STON2: variants seen among roughly 807,000 people sequenced by gnomAD.
STON2 encodes stonin 2, also known as stonin-2.
In STON2, 29 loss-of-function variants were observed where a neutral mutation model predicts 65.7. That is an observed-to-expected ratio of 0.44 (90% CI 0.33 to 0.60). The LOEUF (loss-of-function observed/expected upper bound fraction) is 0.60, where lower values mean the gene tolerates loss of function less well. STON2 is among the 20% of genes least tolerant of loss of function. The pLI is 0.03. For missense variants in STON2, 1,054 were observed against 1,118.1 expected, an observed-to-expected ratio of 0.94 and a Z score of 0.82; for synonymous variants, 404 against 414.2, an observed-to-expected ratio of 0.98 and a Z score of 0.30.
At chr14:81,395,745 G>A (rs1900281351) in intron 3 of STON2, 149 bp downstream of exon 3, 1 of 759,076 alleles carries the variant, frequency 1.3e-6, no homozygotes. Flanking sequence ...AATTAAACCA[G>A]ATGAGAACTC....
intron 3 of STON2, among the ~76,000 whole-genome samples, chr14:81,372,950 T>C (rs948361489): frequency 3.3e-5 from 5 of 152,240 alleles, no homozygotes; most frequent in Non-Finnish European, 7.3e-5. Context: ...TTTAGGTCCT[T>C]TTTCTGGAGT....
rs569857735 is a variant in STON2 at position 81,261,541 on chromosome 14, A to G, written c.*6873T>C. 2 of 361,574 alleles carry G rather than the reference A, an allele frequency of 5.5e-6. No homozygotes were observed. The highest frequency in any genetic ancestry group is 4.6e-5 in the Admixed American group (1 of 21,890). The allele number at this position is 361,574 out of a possible 1,614,324, so 22.4% of individuals were successfully genotyped here. ...TTGATGTTACTAAGAGACAACGAGG[A>G]TACAGAGGGGACTGTCCCTTTTCTC... On this transcript the variant is annotated 3_prime_UTR_variant, in exon 8 of 8. Coordinates refer to ENST00000614646, the MANE Select transcript of STON2 (RefSeq NM_001394390.1).
intron 1 of STON2, among the ~76,000 whole-genome samples, chr14:81,433,504 T>G (rs570256285): frequency 2.6e-5 from 4 of 152,338 alleles, no homozygotes; most frequent in African/African-American, 9.6e-5. Flanking sequence ...CCTCCTGATC[T>G]TGTTTCCTTC....
intron 3 of STON2, among the ~76,000 whole-genome samples, chr14:81,375,590 G>A (rs1899214873): frequency 6.6e-6 from 1 of 151,834 alleles, no homozygotes; most frequent in Non-Finnish European, 1.5e-5. Flanking sequence ...TCATCATAAT[G>A]GAAGATGTTA....
intron 4 of STON2, among the ~76,000 whole-genome samples, chr14:81,370,752 A>C (rs1898945496): frequency 6.6e-6 from 1 of 152,208 alleles, no homozygotes; most frequent in Middle Eastern, 3.2e-3. Flanking sequence ...ATTAAGATAC[A>C]CTGTCAAATG....
intron 2 of STON2, 37 bp downstream of exon 2, chr14:81,398,258 C>A: frequency 6.9e-7 from 1 of 1,446,934 alleles, no homozygotes; most frequent in Non-Finnish European, 9.6e-7. Flanking sequence ...GGTTCTTTGA[C>A]AATCTCTTCA....
intron 5 of STON2, among the ~76,000 whole-genome samples, chr14:81,291,184 C>T (rs1280818448): frequency 1.3e-5 from 2 of 151,892 alleles, no homozygotes; most frequent in Admixed American, 6.6e-5. Context: ...CAAACCTTTC[C>T]GTAATTATTG....
rs1555393304 is a variant in STON2, at chr14:81,265,647, G to GTGATAATAATAATAA, written c.*2766_*2767insTTATTATTATTATCA. On this transcript the variant is annotated 3_prime_UTR_variant, in exon 8 of 8. Coordinates refer to ENST00000614646, the MANE Select transcript of STON2 (RefSeq NM_001394390.1). ...GCGACAAGAGCGAAACTTTGTCTCA[G>GTGATAATAATAATAA]TAATAATAATAATAATAATAATAAT... The GTGATAATAATAATAA allele has an allele frequency of 2.8e-6, 1 of 357,336 alleles. No homozygotes were observed. Among genetic ancestry groups the GTGATAATAATAATAA allele is most frequent in the Non-Finnish European group, 3.9e-6 (1 of 258,820 alleles). The allele number at this position is 357,336 out of a possible 1,614,324, so 22.1% of individuals were successfully genotyped here.
intron 3 of STON2, among the ~76,000 whole-genome samples, chr14:81,392,341 G>T (rs73341968): frequency 6.6e-6 from 1 of 152,056 alleles, no homozygotes; most frequent in Non-Finnish European, 1.5e-5. Flanking sequence ...ATTTGGGCGC[G>T]GTCCGGAAGT....
chr14:81,318,064 C>A (rs188174747), intron 5 of STON2, among the ~76,000 whole-genome samples: 1 of 152,250 alleles, frequency 6.6e-6, no homozygotes, highest in Admixed American at 6.5e-5. Context: ...CTCCTGGGTT[C>A]AAGCGAGTCT....
chr14:81,383,677 C>T (rs1433963757), intron 3 of STON2, among the ~76,000 whole-genome samples: 2 of 152,156 alleles, frequency 1.3e-5, no homozygotes, highest in Non-Finnish European at 2.9e-5. Flanking sequence ...TCCTCTCTTG[C>T]CTGGATGGAT....
chr14:81,400,835 T>C (rs571506992), upstream of STON2, among the ~76,000 whole-genome samples: 1 of 152,248 alleles, frequency 6.6e-6, no homozygotes, highest in Non-Finnish European at 1.5e-5. Flanking sequence ...TAACTCAACC[T>C]CTTTAAGCTT....
chr14:81,368,888 G>A (rs1425508511), intron 4 of STON2, among the ~76,000 whole-genome samples: 2 of 152,136 alleles, frequency 1.3e-5, no homozygotes, highest in South Asian at 4.1e-4. Flanking sequence ...AGTTTCTGGT[G>A]AGGATCAAGT....
At chr14:81,268,586 T>C in intron 7 of STON2, 89 bp from the exon 8 acceptor site, 5 of 1,267,376 alleles carry the variant, frequency 3.9e-6, no homozygotes, top group Non-Finnish European at 5.1e-6. Context: ...ATAGGTACTT[T>C]GAAATTTCTT....
At chr14:81,340,168 A>C (rs1280863849) in intron 4 of STON2, among the ~76,000 whole-genome samples, 2 of 152,190 alleles carry the variant, frequency 1.3e-5, no homozygotes, top group African/African-American at 4.8e-5. Context: ...TAAATAAATA[A>C]ATAAGCTGAG....
At chr14:81,324,766 A>G (rs998689640) in intron 4 of STON2, among the ~76,000 whole-genome samples, 8 of 152,252 alleles carry the variant, frequency 5.3e-5, no homozygotes, top group Non-Finnish European at 1.2e-4. Context: ...TGAAAGTTCA[A>G]GAACTTATTT....
chr14:81,403,976 T>A (rs1900727061), upstream of STON2, among the ~76,000 whole-genome samples: 1 of 152,212 alleles, frequency 6.6e-6, no homozygotes, highest in Non-Finnish European at 1.5e-5. Flanking sequence ...GGAAAGGGAC[T>A]TGATCTTTTG....
intron 2 of STON2, among the ~76,000 whole-genome samples, chr14:81,410,869 A>C (rs1331770446): frequency 6.6e-6 from 1 of 152,230 alleles, no homozygotes; most frequent in Non-Finnish European, 1.5e-5. Context: ...ATAATTTCCC[A>C]ATATGGATAA....
At position 81,432,931 on chromosome 14, in the gene STON2, CCT is replaced by C. The variant is rs371086801; in HGVS notation, c.-310+3388_-310+3389del. Reference sequence around the variant, plus strand: ...ATCTCAATCACATCTTAATGTCTCCCCTTAGTTTAGTGGTTTTCAAAGGGTGG... The same window carrying C: ...ATCTCAATCACATCTTAATGTCTCCCTAGTTTAGTGGTTTTCAAAGGGTGG... On this transcript the variant is annotated intron_variant, in intron 1 of 8. Transcript: ENST00000553821. 2.3e-3 allele frequency among the ~76,000 whole-genome samples: 344 copies of C among 152,302 alleles called. 2 individuals are homozygous for C. Among genetic ancestry groups the C allele is most frequent in the African/African-American group, 8.0e-3 (332 of 41,566 alleles).
Sources: gnomAD v4.1 joint callset for allele counts (sites outside exome capture counted in the v4.1 genomes callset) on GRCh38, gnomAD v4.1.1 for gene constraint, MANE v1.5 for transcripts, NCBI Gene and HGNC (gene_info 2026-07-23, HGNC 2026-07-21) for gene names.